The following PCCA variants were observed in gnomAD, a reference collection of about 807,000 sequenced individuals.
The protein encoded by PCCA is propionyl-CoA carboxylase subunit alpha, also known as propionyl-CoA carboxylase alpha chain, mitochondrial.
Under a neutral mutation model 101.3 loss-of-function variants are expected in PCCA, and 74 were observed. The observed-to-expected ratio is 0.73, with a 90% CI of 0.61 to 0.89. The LOEUF (loss-of-function observed/expected upper bound fraction) is 0.89, where lower values mean the gene tolerates loss of function less well. Ranked by LOEUF, PCCA falls within the 40% of genes least tolerant of loss-of-function variation. The pLI is 0.00. For missense variants in PCCA, 891 were observed against 907.0 expected (o/e 0.98, Z 0.23); for synonymous variants, 294 against 313.6 (o/e 0.94, Z 0.66).
At chr13:100,425,255 C>T (rs138901990) in intron 19 of PCCA, among the ~76,000 whole-genome samples, 2 of 152,262 alleles carry the variant, frequency 1.3e-5, no homozygotes, top group Non-Finnish European at 2.9e-5. Context: ...CTTCCTTGGT[C>T]CTTGGAGAGG....
intron 18 of PCCA, among the ~76,000 whole-genome samples, chr13:100,365,554 A>G (rs2075080145): frequency 6.6e-6 from 1 of 152,232 alleles, no homozygotes; most frequent in African/African-American, 2.4e-5. Context: ...CATATGACAT[A>G]GATTAAATGG....
intron 19 of PCCA, among the ~76,000 whole-genome samples, chr13:100,414,855 A>C (rs1175239372): frequency 6.6e-6 from 1 of 152,204 alleles, no homozygotes; most frequent in Non-Finnish European, 1.5e-5. Context: ...GAAGCAATAA[A>C]CATCTCCATC....
chr13:100,301,469 C>G lies in PCCA; in HGVS notation c.1075C>G (p.Pro359Ala). 1.9e-6 allele frequency: 3 copies of G among 1,614,004 alleles called. No individual in the cohort carries two copies. The highest frequency in any genetic ancestry group is 2.5e-6 in the Non-Finnish European group (3 of 1,179,888). The stretch of plus-strand genomic sequence containing the variant: ...GACCTTGGCCTTGCAGGTTGAGCAT[C>G]CTGTCACAGAATGCATTACTGGCCT... ...EMNTRLQVEH[P>A]VTECITGLDL... The change falls in exon 13 of 24, where the codon CCT (proline) becomes GCT (alanine). Residue 359 changes from proline to alanine, a missense_variant. Physicochemically the swap from Pro to Ala is conservative, Grantham distance 27. Coordinates refer to ENST00000376285, the MANE Select transcript of PCCA (RefSeq NM_000282.4).
intron 2 of PCCA, among the ~76,000 whole-genome samples, chr13:100,108,984 G>C (rs1353055533): frequency 6.6e-6 from 1 of 152,156 alleles, no homozygotes; most frequent in African/African-American, 2.4e-5. Context: ...GCGCTAATTG[G>C]TAATACATTA....
chr13:100,461,669 T>A (rs1392427082), intron 21 of PCCA, among the ~76,000 whole-genome samples: 1 of 152,234 alleles, frequency 6.6e-6, no homozygotes, highest in Non-Finnish European at 1.5e-5. Flanking sequence ...ACATGATGGC[T>A]TACTGGGGTT....
At chr13:100,388,382 T>A (rs1480659322) in intron 19 of PCCA, among the ~76,000 whole-genome samples, 2 of 152,118 alleles carry the variant, frequency 1.3e-5, no homozygotes, top group African/African-American at 4.8e-5. Context: ...GAGGATCAAG[T>A]GAGCCTGGGA....
intron 18 of PCCA, among the ~76,000 whole-genome samples, chr13:100,349,537 A>G (rs2073001725): frequency 6.6e-6 from 1 of 152,228 alleles, no homozygotes; most frequent in Admixed American, 6.5e-5. Flanking sequence ...TGCTGGGATT[A>G]CAGGCATGAG....
intron 11 of PCCA, among the ~76,000 whole-genome samples, chr13:100,269,749 A>G (rs530638301): frequency 1.3e-5 from 2 of 152,360 alleles, no homozygotes; most frequent in South Asian, 2.1e-4. Context: ...ATAGTTTCTG[A>G]AAATAGTAAG....
intron 12 of PCCA, among the ~76,000 whole-genome samples, chr13:100,292,011 C>A (rs2065163191): frequency 1.3e-5 from 2 of 152,192 alleles, no homozygotes. Flanking sequence ...ATGTCCTCAG[C>A]TGCTTAGTAA....
intron 11 of PCCA, among the ~76,000 whole-genome samples, chr13:100,270,665 T>G (rs891840643): frequency 6.6e-6 from 1 of 152,192 alleles, no homozygotes; most frequent in African/African-American, 2.4e-5. Flanking sequence ...GATATGTATT[T>G]GTACACTGTG....
In PCCA at chr13:100,265,559, C is replaced by T. The variant is rs61021136; in HGVS notation, c.819+2728C>T. Among the ~76,000 whole-genome samples the T allele has an allele frequency of 8.0e-3, 1,222 of 152,244 alleles. 17 individuals are homozygous for T. Among genetic ancestry groups the T allele is most frequent in the African/African-American group, 0.028 (1,166 of 41,554 alleles). On this transcript the variant is annotated intron_variant, in intron 10 of 23. Transcript: ENST00000376285. ...TTCACCTGTCAACCTGTTCCCCCTA[C>T]GGACACCTACGCCTACACCCACCCA...
intron 19 of PCCA, among the ~76,000 whole-genome samples, chr13:100,404,229 A>G (rs1294028911): frequency 6.6e-6 from 1 of 152,192 alleles, no homozygotes; most frequent in Admixed American, 6.5e-5. Flanking sequence ...TAGGCCTTTT[A>G]CCAGTTTGCA....
intron 4 of PCCA, among the ~76,000 whole-genome samples, chr13:100,151,627 C>CA (rs995531429): frequency 1.9e-4 from 29 of 150,832 alleles, no homozygotes; most frequent in African/African-American, 2.9e-4. Flanking sequence ...CAAAACAAAA[C>CA]AAAAAAAACC....
At chr13:100,493,703 C>A (rs1829784397) in intron 21 of PCCA, among the ~76,000 whole-genome samples, 1 of 152,180 alleles carries the variant, frequency 6.6e-6, no homozygotes, top group African/African-American at 2.4e-5. Flanking sequence ...CCTTCCTGGC[C>A]TGTGAGTGTT....
intron 12 of PCCA, among the ~76,000 whole-genome samples, chr13:100,292,685 C>T (rs2065220520): frequency 1.3e-5 from 2 of 152,154 alleles, no homozygotes; most frequent in Middle Eastern, 3.2e-3. Flanking sequence ...TAAATAATAA[C>T]TTTCTCTCAT....
intron 2 of PCCA, 52 bp from the exon 3 acceptor site, chr13:100,111,789 C>A: frequency 2.3e-6 from 3 of 1,331,650 alleles, no homozygotes; most frequent in Non-Finnish European, 3.2e-6. Flanking sequence ...TGGTCTTAAA[C>A]CATCGGTTTA....
intron 12 of PCCA, among the ~76,000 whole-genome samples, chr13:100,281,254 A>G (rs1595094169): frequency 2.0e-5 from 3 of 152,218 alleles, no homozygotes; most frequent in Admixed American, 6.5e-5. Flanking sequence ...GCTCTGCGGT[A>G]AGGATGAATC....
At chr13:100,282,606 C>A (rs769610410) in intron 12 of PCCA, among the ~76,000 whole-genome samples, 1 of 152,204 alleles carries the variant, frequency 6.6e-6, no homozygotes, top group East Asian at 1.9e-4. Flanking sequence ...GGTCCCCCAG[C>A]AGTGCCAGCC....
intron 18 of PCCA, among the ~76,000 whole-genome samples, chr13:100,362,299 A>G (rs2074703137): frequency 6.6e-6 from 1 of 152,216 alleles, no homozygotes; most frequent in Non-Finnish European, 1.5e-5. Context: ...AAATTTAAAA[A>G]AAAATAACAG....
Sources: gnomAD v4.1 joint callset for allele counts (sites outside exome capture counted in the v4.1 genomes callset) on GRCh38, gnomAD v4.1.1 for gene constraint, MANE v1.5 for transcripts, NCBI Gene and HGNC (gene_info 2026-07-23, HGNC 2026-07-21) for gene names.